Variants in PCGF6 observed in about 807,000 individuals in gnomAD.
PCGF6 encodes the protein polycomb group RING finger protein 6.
A neutral mutation model predicts 45.5 loss-of-function variants in PCGF6; 24 were observed. The ratio of observed to expected loss-of-function variants is 0.53; its 90% CI spans 0.38 to 0.74. The LOEUF (loss-of-function observed/expected upper bound fraction) is 0.74. Ranked by LOEUF, PCGF6 falls within the 30% of genes least tolerant of loss-of-function variation. The pLI is 0.00. For missense variants in PCGF6, 356 were observed against 443.2 expected (o/e 0.80, Z 1.77); for synonymous variants, 152 against 162.1 (o/e 0.94, Z 0.47).
intron 8 of PCGF6, among the ~76,000 whole-genome samples, chr10:103,320,979 T>C (rs1039971727): frequency 1.3e-5 from 2 of 152,180 alleles, no homozygotes; most frequent in African/African-American, 4.8e-5. Flanking sequence ...TAGAAGTAAC[T>C]CTTAATTACT....
chr10:103,350,601 G>C (rs1014611553), intron 1 of PCGF6, 106 bp downstream of exon 1: 2 of 1,184,776 alleles, frequency 1.7e-6, no homozygotes, highest in African/African-American at 3.2e-5. Flanking sequence ...CCAGTGCTCC[G>C]CGCGGCGGCG....
intron 6 of PCGF6, among the ~76,000 whole-genome samples, chr10:103,338,482 T>C (rs2093266341): frequency 6.7e-6 from 1 of 150,124 alleles, no homozygotes; most frequent in Non-Finnish European, 1.5e-5. Context: ...GAGGCGGAGC[T>C]TGCAGTGAGC....
At chr10:103,346,222 T>C (rs1335416521) in intron 5 of PCGF6, among the ~76,000 whole-genome samples, 1 of 146,776 alleles carries the variant, frequency 6.8e-6, no homozygotes, top group East Asian at 2.0e-4. Context: ...CCAGGCGCGG[T>C]GGCTCACGCC....
intron 3 of PCGF6, chr10:103,348,332 GTTT>G (rs1009695227): frequency 7.2e-6 from 1 of 139,396 alleles, no homozygotes; most frequent in Non-Finnish European, 1.5e-5. Context: ...GAGGTCAAGA[GTTT>G]TTTTGTTTTT....
At chr10:103,347,478 C>T (rs1417247205) in intron 3 of PCGF6, 28 bp from the exon 4 acceptor site, 2 of 1,565,072 alleles carry the variant, frequency 1.3e-6, no homozygotes, top group Non-Finnish European at 1.7e-6. Context: ...TGGAGAATAC[C>T]TCAGAATTCA....
chr10:103,330,560 A>T (rs2093236298), intron 7 of PCGF6, among the ~76,000 whole-genome samples: 1 of 152,236 alleles, frequency 6.6e-6, no homozygotes, highest in Non-Finnish European at 1.5e-5. Context: ...GTGTACGATT[A>T]AATGGATTTT....
intron 8 of PCGF6, among the ~76,000 whole-genome samples, chr10:103,318,442 C>CAA (rs1199374450): frequency 6.7e-5 from 7 of 104,392 alleles, no homozygotes; most frequent in Middle Eastern, 8.1e-3. Flanking sequence ...GACTCCATCT[C>CAA]AAAAAAAAAA....
At chr10:103,350,648 G>A in intron 1 of PCGF6, 59 bp downstream of exon 1, 1 of 1,379,210 alleles carries the variant, frequency 7.3e-7, no homozygotes. Context: ...GCAGACGAGG[G>A]CCAGCTACGT....
chr10:103,321,181 T>A (rs1402399209), intron 8 of PCGF6, among the ~76,000 whole-genome samples: 2 of 152,206 alleles, frequency 1.3e-5, no homozygotes, highest in African/African-American at 4.8e-5. Context: ...AAATTTTATA[T>A]CTTTCTTTTT....
intron 1 of PCGF6, 123 bp from the exon 2 acceptor site, chr10:103,349,122 A>G (rs2093310516): frequency 1.3e-6 from 1 of 758,086 alleles, no homozygotes. Context: ...ATCTCGGTTC[A>G]CTGCAACCTC....
intron 7 of PCGF6, among the ~76,000 whole-genome samples, chr10:103,330,014 C>A (rs1326206950): frequency 2.6e-5 from 4 of 151,450 alleles, no homozygotes; most frequent in Non-Finnish European, 5.9e-5. Flanking sequence ...GTGATCCACC[C>A]GCCTCAGCCT....
chr10:103,311,479 C>G (rs1397759706), intron 9 of PCGF6, among the ~76,000 whole-genome samples: 3 of 148,420 alleles, frequency 2.0e-5, no homozygotes, highest in African/African-American at 7.5e-5. Context: ...TGGTCCTGCT[C>G]CGTTGCCCAA....
intron 6 of PCGF6, among the ~76,000 whole-genome samples, chr10:103,342,453 T>C (rs2093284383): frequency 6.6e-6 from 1 of 151,700 alleles, no homozygotes; most frequent in Non-Finnish European, 1.5e-5. Flanking sequence ...AGGGTGATCT[T>C]GAACTCCTGA....
rs2093124064 is a variant in PCGF6 at position 103,302,840 on chromosome 10, A to G, written c.*1065T>C. ...ATTAAATGTTAGAATAAATTTATACACAATTCACAAATTCTTTACAAAGAA... is the reference window on the plus strand; with the variant it reads ...ATTAAATGTTAGAATAAATTTATACGCAATTCACAAATTCTTTACAAAGAA... On this transcript the variant is annotated 3_prime_UTR_variant, in exon 10 of 10. Transcript: ENST00000369847. 1 of 152,172 alleles carries G rather than the reference A, an allele frequency of 6.6e-6. No homozygotes were observed. Among genetic ancestry groups the G allele is most frequent in the Admixed American group, 6.5e-5 (1 of 15,276 alleles). 9.4% of individuals were successfully genotyped at this position (152,172 alleles called of 1,614,324 possible).
At chr10:103,326,058 G>C (rs1416190451) in intron 8 of PCGF6, among the ~76,000 whole-genome samples, 3 of 151,980 alleles carry the variant, frequency 2.0e-5, no homozygotes, top group Non-Finnish European at 4.4e-5. Flanking sequence ...TAAATCAAAT[G>C]TGATTAAAGC....
rs182862560 is a variant in PCGF6 at position 103,327,799 on chromosome 10, C to T, written c.811-1167G>A. 2.4e-3 allele frequency among the ~76,000 whole-genome samples: 365 copies of T among 151,860 alleles called. 1 individual carries two copies. The highest frequency in any genetic ancestry group is 7.7e-3 in the African/African-American group (319 of 41,422). Reference sequence around the variant, plus strand: ...ACGCTATTCTCCTGCCTCAGTCTCCCGAGTAGCTGGGACTACAGGCGTGCA... The same window carrying T: ...ACGCTATTCTCCTGCCTCAGTCTCCTGAGTAGCTGGGACTACAGGCGTGCA... On this transcript the variant is annotated intron_variant, in intron 7 of 9. Coordinates refer to ENST00000369847, the MANE Select transcript of PCGF6 (RefSeq NM_001011663.2).
chr10:103,336,161 G>C (rs1372031521), intron 6 of PCGF6, among the ~76,000 whole-genome samples: 1 of 151,728 alleles, frequency 6.6e-6, no homozygotes, highest in African/African-American at 2.4e-5. Context: ...TTGAAATCGG[G>C]AGGCAAAGGT....
Position 103,351,009 on chromosome 10 carries a change from C to A in PCGF6, c.58G>T (p.Ala20Ser), listed in dbSNP as rs755427741. 23 of 1,427,196 alleles carry A rather than the reference C, an allele frequency of 1.6e-5. No individual in the cohort carries two copies. Among genetic ancestry groups the A allele is most frequent in the Non-Finnish European group, 2.1e-5 (23 of 1,091,898 alleles). 88.4% of individuals were successfully genotyped at this position (1,427,196 alleles called of 1,614,324 possible). The change falls in exon 1 of 10, where the codon GCT becomes TCT. Residue 20 changes from alanine to serine, a missense_variant. Around this residue, in one of 2 missense-constraint regions of PCGF6, gnomAD observed 307 missense variants for 350.1 expected, o/e 0.88. Coordinates refer to ENST00000369847, the MANE Select transcript of PCGF6 (RefSeq NM_001011663.2). ...GGAGGCGGAGGCGGCAAGGCTGCAG[C>A]TCCCTCGGTTTTGGCAGCGCCTACG... ...GSVGAAKTEG[A>S]AALPPPPPVS... is the part of the protein sequence containing the mutation.
chr10:103,328,917 T>G (rs879798756), intron 7 of PCGF6, among the ~76,000 whole-genome samples: 2 of 151,364 alleles, frequency 1.3e-5, no homozygotes, highest in Non-Finnish European at 2.9e-5. Flanking sequence ...ACGCTATTTT[T>G]TGTATTTTTA....
Sources: gnomAD v4.1 joint callset for allele counts (sites outside exome capture counted in the v4.1 genomes callset) on GRCh38, gnomAD v4.1.1 for gene constraint, gnomAD v4.1.1 regional missense constraint, MANE v1.5 for transcripts, NCBI Gene and HGNC (gene_info 2026-07-23, HGNC 2026-07-21) for gene names.